ZNF407: variants seen among roughly 807,000 people sequenced by gnomAD.
ZNF407 encodes zinc finger protein 407.
ZNF407 carries 17 observed loss-of-function variants against 131.2 expected under a neutral mutation model. The observed-to-expected ratio is 0.13, with a 90% CI of 0.09 to 0.19. The LOEUF is 0.19. Ranked by LOEUF, ZNF407 falls within the 10% of genes least tolerant of loss-of-function variation. The pLI, the probability that ZNF407 is intolerant of heterozygous loss-of-function variation, is 1.00. For synonymous variants in ZNF407, 1,156 were observed against 1,062.0 expected (o/e 1.09, Z -1.72); for missense variants, 2,681 against 2,830.6 (o/e 0.95, Z 1.20).
At chr18:74,832,009 A>G (rs1340002132) in intron 4 of ZNF407, among the ~76,000 whole-genome samples, 1 of 152,230 alleles carries the variant, frequency 6.6e-6, no homozygotes, top group Non-Finnish European at 1.5e-5. Flanking sequence ...GATTTGTAAC[A>G]TGAAGCCTTG....
At chr18:75,046,969 G>A (rs570494002) in intron 8 of ZNF407, among the ~76,000 whole-genome samples, 1 of 152,222 alleles carries the variant, frequency 6.6e-6, no homozygotes, top group East Asian at 1.9e-4. Context: ...GAAGAAAAAG[G>A]GAAGGAAACC....
chr18:74,795,610 T>C (rs1422502568), intron 4 of ZNF407, among the ~76,000 whole-genome samples: 1 of 152,242 alleles, frequency 6.6e-6, no homozygotes, highest in Non-Finnish European at 1.5e-5. Flanking sequence ...ATCACACTTG[T>C]ATGTGGGAAA....
intron 3 of ZNF407, among the ~76,000 whole-genome samples, chr18:74,704,228 G>A (rs1414440345): frequency 6.6e-6 from 1 of 152,110 alleles, no homozygotes; most frequent in African/African-American, 2.4e-5. Flanking sequence ...CCATCGCTGC[G>A]CTTCGTGGGC....
chr18:74,918,912 G>A (rs1315869149), intron 7 of ZNF407, among the ~76,000 whole-genome samples: 1 of 152,126 alleles, frequency 6.6e-6, no homozygotes, highest in South Asian at 2.1e-4. Context: ...AGATTTAGTT[G>A]TACATGTGCA....
intron 8 of ZNF407, among the ~76,000 whole-genome samples, chr18:74,968,414 C>G (rs1017813314): frequency 6.6e-6 from 1 of 152,174 alleles, no homozygotes; most frequent in South Asian, 2.1e-4. Context: ...TTTTCCTACC[C>G]TGATGACCCA....
intron 8 of ZNF407, among the ~76,000 whole-genome samples, chr18:74,953,927 A>G (rs1231220486): frequency 6.6e-6 from 1 of 152,220 alleles, no homozygotes; most frequent in Admixed American, 6.5e-5. Context: ...GAGGCGAGAA[A>G]AAACAAAAGA....
intron 8 of ZNF407, among the ~76,000 whole-genome samples, chr18:74,946,241 T>C (rs1972152632): frequency 6.6e-6 from 1 of 152,172 alleles, no homozygotes; most frequent in Non-Finnish European, 1.5e-5. Context: ...CATTTTCAGG[T>C]TTGTGACTAA....
chr18:74,990,781 G>A (rs1369640785), intron 8 of ZNF407, among the ~76,000 whole-genome samples: 1 of 152,214 alleles, frequency 6.6e-6, no homozygotes, highest in South Asian at 2.1e-4. Flanking sequence ...GGTGGGATTT[G>A]TGCACCATAC....
intron 4 of ZNF407, among the ~76,000 whole-genome samples, chr18:74,803,375 T>C (rs1270483109): frequency 6.6e-6 from 1 of 152,162 alleles, no homozygotes; most frequent in African/African-American, 2.4e-5. Flanking sequence ...GTGCTGGTCC[T>C]GTCATCGATA....
intron 8 of ZNF407, among the ~76,000 whole-genome samples, chr18:75,028,827 T>A (rs1973202366): frequency 6.6e-6 from 1 of 152,222 alleles, no homozygotes; most frequent in African/African-American, 2.4e-5. Flanking sequence ...ATCTTTTACA[T>A]TTGTGTCTGT....
chr18:74,779,822 G>A (rs1011901860), intron 3 of ZNF407, among the ~76,000 whole-genome samples: 15 of 151,964 alleles, frequency 9.9e-5, no homozygotes, highest in East Asian at 3.9e-4. Flanking sequence ...GTACTTGGTC[G>A]TGTAAATAAG....
intron 4 of ZNF407, among the ~76,000 whole-genome samples, chr18:74,851,581 C>G (rs980888152): frequency 3.3e-5 from 5 of 152,124 alleles, no homozygotes; most frequent in Non-Finnish European, 5.9e-5. Flanking sequence ...GTCCTGGTGA[C>G]CAAGATTAAT....
intron 8 of ZNF407, among the ~76,000 whole-genome samples, chr18:75,045,002 AAT>A (rs1388041597): frequency 6.6e-6 from 1 of 151,744 alleles, no homozygotes; most frequent in Non-Finnish European, 1.5e-5. Context: ...CATTGTCAGC[AAT>A]ATGTTTCTGA....
intron 7 of ZNF407, among the ~76,000 whole-genome samples, chr18:74,890,972 A>G (rs767360473): frequency 6.6e-6 from 1 of 152,234 alleles, no homozygotes; most frequent in Non-Finnish European, 1.5e-5. Context: ...ACTCACTTGC[A>G]TCCGCAGTGG....
intron 3 of ZNF407, among the ~76,000 whole-genome samples, chr18:74,663,855 T>C (rs1985819765): frequency 6.6e-6 from 1 of 152,144 alleles, no homozygotes; most frequent in Non-Finnish European, 1.5e-5. Context: ...AGGCCTGTCA[T>C]AGGCAAGAAG....
intron 3 of ZNF407, among the ~76,000 whole-genome samples, chr18:74,643,296 A>G (rs1984808563): frequency 6.6e-6 from 1 of 152,096 alleles, no homozygotes; most frequent in Non-Finnish European, 1.5e-5. Flanking sequence ...TAAGCAGCTC[A>G]TGCTGCATTT....
chr18:74,605,407 G>A (rs1982761771), intron 1 of ZNF407, among the ~76,000 whole-genome samples: 1 of 152,158 alleles, frequency 6.6e-6, no homozygotes, highest in South Asian at 2.1e-4. Context: ...GTGCTAATTG[G>A]TGGAATGTGG....
intron 7 of ZNF407, among the ~76,000 whole-genome samples, chr18:74,907,117 G>A (rs948939619): frequency 1.3e-5 from 2 of 152,246 alleles, no homozygotes; most frequent in East Asian, 3.9e-4. Context: ...ACTTAATAAT[G>A]TATCCTATTA....
At chr18:74,874,898 G>C (rs1971134912) in intron 4 of ZNF407, among the ~76,000 whole-genome samples, 1 of 152,146 alleles carries the variant, frequency 6.6e-6, no homozygotes, top group African/African-American at 2.4e-5. Context: ...AGGTGTTTCT[G>C]CTGTCCAGCC....
Sources: allele counts gnomAD v4.1 joint callset (sites outside exome capture counted in the v4.1 genomes callset), GRCh38; gene constraint gnomAD v4.1.1; transcripts MANE v1.5; gene names NCBI Gene and HGNC (gene_info 2026-07-23, HGNC 2026-07-21).